Variants in CDKN2A observed in about 807,000 individuals in gnomAD.
CDKN2A encodes the protein cyclin-dependent kinase inhibitor 2A.
In CDKN2A, 3 loss-of-function variants were observed where a neutral mutation model predicts 11.1. The ratio of observed to expected loss-of-function variants is 0.27; its 90% CI spans 0.12 to 0.70. The LOEUF is 0.70. CDKN2A is among the 30% of genes least tolerant of loss of function. The pLI, the probability that CDKN2A is intolerant of heterozygous loss-of-function variation, is 0.77. For synonymous variants in CDKN2A, 122 were observed against 108.1 expected (o/e 1.13, Z -0.80); for missense variants, 265 against 233.6 (o/e 1.13, Z -0.88).
intron 1 of CDKN2A, chr9:21,994,080 A>G: frequency 6.4e-7 from 1 of 1,553,054 alleles, no homozygotes; most frequent in Non-Finnish European, 8.7e-7. Context: ...TGTTTACGAA[A>G]TCACACCAAA....
rs1820578789 is a variant in CDKN2A, at chr9:21,995,036, C to T, written c.-391G>A. ...CAGTTTTGAACTAAAAGCCGCTCCG[C>T]TCCTCTTCTAGATTTGGAAAACAAG... is the stretch of plus-strand genomic sequence containing the variant. On this transcript the variant is annotated 5_prime_UTR_variant, in exon 1 of 4. Coordinates refer to the CDKN2A transcript ENST00000494262. This position sits in a 1 kb window ranked among gnomAD's most constrained non-coding sequence, Gnocchi z 5.7. 1 of 152,274 alleles carries T rather than the reference C, an allele frequency of 6.6e-6. No homozygotes were observed. Among genetic ancestry groups the T allele is most frequent in the Non-Finnish European group, 1.5e-5 (1 of 68,068 alleles). The allele number at this position is 152,274 out of a possible 1,614,324, so 9.4% of individuals were successfully genotyped here.
At position 21,971,007 on chromosome 9, in the gene CDKN2A, C is replaced by T. The variant is rs1554653960; in HGVS notation, c.352G>A (p.Ala118Thr). 7 of 1,608,806 alleles carry T rather than the reference C, an allele frequency of 4.4e-6. No individual in the cohort carries two copies. The highest frequency in any genetic ancestry group is 5.1e-6 in the Non-Finnish European group (6 of 1,179,864). The change falls in exon 2 of 3, where the codon GCT (alanine) becomes ACT (threonine). Residue 118 changes from alanine to threonine, a missense_variant. Transcript: ENST00000304494. ...ACATCGCGATGGCCCAGCTCCTCAG[C>T]CAGGTCCACGGGCAGACGGCCCCAG... ...DAWGRLPVDL[A>T]EELGHRDVAR...
At chr9:21,981,142 GTA>G (rs1273290299) in intron 2 of CDKN2A, among the ~76,000 whole-genome samples, 83 of 19,650 alleles carry the variant, frequency 4.2e-3, no homozygotes, top group African/African-American at 0.023. Context: ...ATATATACGT[GTA>G]TATATATATA....
intron 1 of CDKN2A, chr9:21,971,526 T>G (rs1012526651): frequency 1.7e-4 from 72 of 418,460 alleles, no homozygotes; most frequent in Non-Finnish European, 2.5e-4. Context: ...GTATTTCCCC[T>G]GAGATACAAC....
chr9:21,987,432 CAGAGAGAGAGAG>C lies in CDKN2A; in HGVS notation c.-4+6438_-4+6449del, dbSNP rs57973132. On this transcript the variant is annotated intron_variant, in intron 2 of 3. Coordinates refer to the CDKN2A transcript ENST00000494262. ...ACACACACACACACACACACACACA[CAGAGAGAGAGAG>C]AGAGAGAGAGAGATCCATTCATCCT... is the stretch of plus-strand genomic sequence containing the variant. Among the ~76,000 whole-genome samples, 94 of 138,236 alleles carry C rather than the reference CAGAGAGAGAGAG, an allele frequency of 6.8e-4. 1 individual carries two copies. The highest frequency in any genetic ancestry group is 1.5e-3 in the South Asian group (6 of 4,132). The allele number at this position is 138,236 out of a possible 152,430, so 90.7% of individuals were successfully genotyped here.
chr9:21,994,506 C>G (rs1820549125), intron 1 of CDKN2A: 1 of 1,412,530 alleles, frequency 7.1e-7, no homozygotes, highest in Non-Finnish European at 9.3e-7. Context: ...CGCCCCCCAC[C>G]TTCACCCCCA....
At chr9:21,976,725 AAAAG>A (rs369840404), upstream of CDKN2A, among the ~76,000 whole-genome samples, 77 of 152,200 alleles carry the variant, frequency 5.1e-4, no homozygotes, top group East Asian at 1.2e-3. Context: ...TCTCAAGAAA[AAAAG>A]AAAGAAAGAA....
At position 21,974,838 on chromosome 9, in the gene CDKN2A, G is replaced by A. The variant is rs763379519; in HGVS notation, c.-11C>T. ...CGCCGCCGGCTCCATGCTGCTCCCC[G>A]CCGCCCGCTGCCTGCTCTCCCCCTC... On this transcript the variant is annotated 5_prime_UTR_variant, in exon 1 of 3. Coordinates refer to ENST00000304494, the MANE Select transcript of CDKN2A (RefSeq NM_000077.5). The surrounding 1 kb of genome is among the most constrained non-coding windows in gnomAD (Gnocchi z 5.2). The A allele has an allele frequency of 2.6e-6, 4 of 1,565,648 alleles. 1 individual carries two copies. The highest frequency in any genetic ancestry group is 2.3e-5 in the South Asian group (2 of 86,412).
At chr9:21,971,380 C>G (rs551522281) in intron 1 of CDKN2A, 172 bp from the exon 2 acceptor site, 38 of 1,471,978 alleles carry the variant, frequency 2.6e-5, no homozygotes, top group Non-Finnish European at 3.3e-5. Context: ...TCTATCCATT[C>G]TTCAGTACAC....
At chr9:21,979,648 C>A (rs1205111895), upstream of CDKN2A, among the ~76,000 whole-genome samples, 1 of 152,116 alleles carries the variant, frequency 6.6e-6, no homozygotes, top group African/African-American at 2.4e-5. Flanking sequence ...AGGAGGTTAG[C>A]TTGTTTGCAG....
chr9:21,979,982 C>A (rs1189839339), intron 2 of CDKN2A, among the ~76,000 whole-genome samples: 1 of 152,126 alleles, frequency 6.6e-6, no homozygotes, highest in Non-Finnish European at 1.5e-5. Flanking sequence ...AGGTAGTGTT[C>A]CAGAGTTGGG....
chr9:21,994,421 G>T (rs1232186316), intron 1 of CDKN2A: 1 of 1,602,182 alleles, frequency 6.2e-7, no homozygotes. Context: ...CCCCTTAACT[G>T]CAGACTGGGA....
chr9:21,969,852 C>A, intron 2 of CDKN2A: 1 of 398,132 alleles, frequency 2.5e-6, no homozygotes, highest in South Asian at 1.3e-4. Context: ...AACTTCGCGT[C>A]TTTAACTTCG....
In CDKN2A at chr9:21,968,151, G is replaced by A; in HGVS notation, c.*78C>T. ...CGAAAGCGGGGTGGGTTGTGGCGGG[G>A]GCAGTTGTGGCCCTGTAGGACCTTC... On this transcript the variant is annotated 3_prime_UTR_variant, in exon 3 of 3. Transcript: ENST00000304494. The surrounding 1 kb of genome is among the most constrained non-coding windows in gnomAD (Gnocchi z 4.7). The A allele has an allele frequency of 2.5e-6, 3 of 1,223,284 alleles. No homozygotes were observed. The highest frequency in any genetic ancestry group is 1.3e-5 in the South Asian group (1 of 79,066). The allele number at this position is 1,223,284 out of a possible 1,614,324, so 75.8% of individuals were successfully genotyped here.
Position 21,988,888 on chromosome 9 carries a change from T to C in CDKN2A, c.-4+4994A>G, listed in dbSNP as rs1820360847. Among the ~76,000 whole-genome samples the C allele has an allele frequency of 6.6e-6, 1 of 152,226 alleles. No individual in the cohort carries two copies. The highest frequency in any genetic ancestry group is 6.5e-5 in the Admixed American group (1 of 15,284). Reference sequence around the variant, plus strand: ...AGTGGGTTCAGAGACTCTAAGTATTTGCCATTCCCTTTAGATGGAAACGTT... The same window carrying C: ...AGTGGGTTCAGAGACTCTAAGTATTCGCCATTCCCTTTAGATGGAAACGTT... On this transcript the variant is annotated intron_variant, in intron 2 of 3. Coordinates refer to the CDKN2A transcript ENST00000494262. This position sits in a 1 kb window ranked among gnomAD's most constrained non-coding sequence, Gnocchi z 4.1.
intron 2 of CDKN2A, among the ~76,000 whole-genome samples, chr9:21,981,003 C>T (rs1302452187): frequency 2.3e-4 from 1 of 4,312 alleles, no homozygotes; most frequent in Admixed American, 3.8e-3. Context: ...TATATATATA[C>T]GTGTATATAT....
At chr9:21,969,302 C>T (rs978812668) in intron 2 of CDKN2A, among the ~76,000 whole-genome samples, 1 of 152,072 alleles carries the variant, frequency 6.6e-6, no homozygotes, top group African/African-American at 2.4e-5. Flanking sequence ...GTGGGAGAAC[C>T]CCTTGAGCCA....
rs1161897781 is a variant in CDKN2A at position 21,988,315 on chromosome 9, A to G, written c.-4+5567T>C. On this transcript the variant is annotated intron_variant, in intron 2 of 3. Coordinates refer to the CDKN2A transcript ENST00000494262. The surrounding 1 kb of genome is among the most constrained non-coding windows in gnomAD (Gnocchi z 4.1). ...GTTTATATTTTCATGAACAAAGCCA[A>G]TAAGTCATAAAAATTAAAAATCAAC... Among the ~76,000 whole-genome samples the G allele has an allele frequency of 2.0e-5, 3 of 152,242 alleles. No individual in the cohort carries two copies. The highest frequency in any genetic ancestry group is 1.9e-4 in the East Asian group (1 of 5,204).
upstream of CDKN2A, among the ~76,000 whole-genome samples, chr9:21,977,869 A>C (rs1820078849): frequency 6.6e-6 from 1 of 152,202 alleles, no homozygotes; most frequent in African/African-American, 2.4e-5. Context: ...TCCTACATCA[A>C]GAACTCTTTC....
Sources: gnomAD v4.1 joint callset for allele counts (sites outside exome capture counted in the v4.1 genomes callset) on GRCh38, gnomAD v4.1.1 for gene constraint, Gnocchi (gnomAD v3.1) non-coding constraint, MANE v1.5 for transcripts, NCBI Gene and HGNC (gene_info 2026-07-23, HGNC 2026-07-21) for gene names.